Variants in SGCZ observed in about 807,000 individuals in gnomAD.
SGCZ encodes the protein zeta-sarcoglycan.
Under a neutral mutation model 41.3 loss-of-function variants are expected in SGCZ, and 40 were observed. The ratio of observed to expected loss-of-function variants is 0.97; its 90% CI spans 0.75 to 1.26. The LOEUF is 1.26. Ranked by LOEUF, SGCZ falls within the 50% of genes most tolerant of loss-of-function variation. SGCZ has a pLI of 0.00. For synonymous variants in SGCZ, 206 were observed against 137.5 expected, an observed-to-expected ratio of 1.50 and a Z score of -3.49; for missense variants, 552 against 369.8, an observed-to-expected ratio of 1.49 and a Z score of -4.04.
intron 5 of SGCZ, among the ~76,000 whole-genome samples, chr8:14,114,628 A>G (rs1439740326): frequency 6.6e-6 from 1 of 152,020 alleles, no homozygotes; most frequent in Non-Finnish European, 1.5e-5. Flanking sequence ...GAAGACAAAA[A>G]GAGATAAGGA....
At chr8:14,095,763 T>A (rs920875463) in intron 7 of SGCZ, among the ~76,000 whole-genome samples, 1 of 152,182 alleles carries the variant, frequency 6.6e-6, no homozygotes. Flanking sequence ...TTTGTTTGTG[T>A]CCTCTCTTAT....
intron 1 of SGCZ, among the ~76,000 whole-genome samples, chr8:15,129,907 C>G (rs567173562): frequency 6.6e-6 from 1 of 151,776 alleles, no homozygotes; most frequent in Admixed American, 6.6e-5. Flanking sequence ...TTTATGAAGT[C>G]GGATAAATAT....
At chr8:14,420,395 C>G (rs139572391) in intron 2 of SGCZ, among the ~76,000 whole-genome samples, 3 of 152,180 alleles carry the variant, frequency 2.0e-5, no homozygotes, top group African/African-American at 7.2e-5. Flanking sequence ...GTGCTGACGT[C>G]TCAACTCTTA....
At chr8:14,309,835 G>C (rs1801470269) in intron 3 of SGCZ, among the ~76,000 whole-genome samples, 1 of 151,860 alleles carries the variant, frequency 6.6e-6, no homozygotes, top group Non-Finnish European at 1.5e-5. Flanking sequence ...CCTTTGTCTT[G>C]TACTTCTGTG....
intron 2 of SGCZ, among the ~76,000 whole-genome samples, chr8:14,510,726 C>T (rs1161311850): frequency 6.6e-6 from 1 of 152,180 alleles, no homozygotes; most frequent in Non-Finnish European, 1.5e-5. Context: ...TCTGTCTCTC[C>T]TTCCCTTGCC....
intron 1 of SGCZ, among the ~76,000 whole-genome samples, chr8:14,819,694 T>A (rs1050968758): frequency 6.6e-6 from 1 of 151,974 alleles, no homozygotes; most frequent in Admixed American, 6.6e-5. Context: ...ACACAACAGA[T>A]AAATAAGTAA....
chr8:14,449,363 T>C lies in SGCZ; in HGVS notation c.234+105369A>G, dbSNP rs577592662. Among the ~76,000 whole-genome samples, 99 of 152,294 alleles carry C rather than the reference T, an allele frequency of 6.5e-4. 1 individual carries two copies. The highest frequency in any genetic ancestry group is 3.4e-3 in the Middle Eastern group (1 of 294). ...ACAAGATGAATGATGTGCAATACCATGGCTGTGGCACATGACTTTTCTAGA... is the reference window on the plus strand; with the variant it reads ...ACAAGATGAATGATGTGCAATACCACGGCTGTGGCACATGACTTTTCTAGA... On this transcript the variant is annotated intron_variant, in intron 2 of 7. Transcript: ENST00000382080.
At chr8:14,702,734 T>TAGAC (rs1160863316) in intron 1 of SGCZ, among the ~76,000 whole-genome samples, 1 of 65,248 alleles carries the variant, frequency 1.5e-5, no homozygotes, top group African/African-American at 3.9e-5. Flanking sequence ...GCTTCAATGA[T>TAGAC]AGATAGATAG....
chr8:14,305,218 T>C (rs1228258828), intron 3 of SGCZ, among the ~76,000 whole-genome samples: 4 of 152,186 alleles, frequency 2.6e-5, no homozygotes, highest in Admixed American at 6.6e-5. Context: ...AATATAACTA[T>C]CATATGAACA....
At chr8:14,515,918 T>G (rs9657207) in intron 2 of SGCZ, among the ~76,000 whole-genome samples, 7,601 of 152,182 alleles carry the variant, frequency 0.05, 429 homozygotes, top group African/African-American at 0.14. Flanking sequence ...CATCTTTTAC[T>G]TTTCAATTTG....
intron 1 of SGCZ, among the ~76,000 whole-genome samples, chr8:15,209,504 G>C (rs1563185164): frequency 1.0e-5 from 1 of 99,840 alleles, no homozygotes; most frequent in African/African-American, 3.6e-5. Flanking sequence ...AAAAAAAAAA[G>C]TGGCTTTCAG....
intron 1 of SGCZ, among the ~76,000 whole-genome samples, chr8:15,088,777 G>C (rs1248813585): frequency 6.6e-6 from 1 of 152,096 alleles, no homozygotes; most frequent in Non-Finnish European, 1.5e-5. Flanking sequence ...AACCATCAGT[G>C]TATCATAAAA....
intron 1 of SGCZ, among the ~76,000 whole-genome samples, chr8:14,995,593 G>A (rs1385990964): frequency 6.6e-6 from 1 of 152,154 alleles, no homozygotes; most frequent in Non-Finnish European, 1.5e-5. Context: ...ATATATTCAT[G>A]TCATAATGCA....
intron 1 of SGCZ, among the ~76,000 whole-genome samples, chr8:15,018,175 C>A (rs147077916): frequency 6.6e-6 from 1 of 152,316 alleles, no homozygotes; most frequent in East Asian, 1.9e-4. Flanking sequence ...CCTACATCCT[C>A]TGGAATATTT....
chr8:14,884,469 C>G (rs1339447023), intron 1 of SGCZ, among the ~76,000 whole-genome samples: 2 of 151,886 alleles, frequency 1.3e-5, no homozygotes, highest in African/African-American at 4.8e-5. Context: ...AGACATTGCC[C>G]TTCTTGGTGG....
At chr8:14,476,794 G>A (rs573280690) in intron 2 of SGCZ, among the ~76,000 whole-genome samples, 7 of 152,048 alleles carry the variant, frequency 4.6e-5, no homozygotes, top group Admixed American at 1.3e-4. Flanking sequence ...AATCCACTAC[G>A]GTTTGACTTC....
chr8:14,866,185 T>A (rs1165776077), intron 1 of SGCZ, among the ~76,000 whole-genome samples: 1 of 152,070 alleles, frequency 6.6e-6, no homozygotes, highest in African/African-American at 2.4e-5. Flanking sequence ...AAAGAAAGGA[T>A]CTATTTATGT....
chr8:14,106,189 G>C (rs555775847), intron 6 of SGCZ, among the ~76,000 whole-genome samples: 3 of 152,314 alleles, frequency 2.0e-5, no homozygotes, highest in African/African-American at 7.2e-5. Flanking sequence ...AGTGCTGGCT[G>C]CTACAGCATT....
intron 1 of SGCZ, among the ~76,000 whole-genome samples, chr8:14,967,629 A>G (rs1563398200): frequency 6.6e-6 from 1 of 152,166 alleles, no homozygotes; most frequent in Non-Finnish European, 1.5e-5. Context: ...ACCTCTCAGA[A>G]AGTACTGGTC....
Sources: gnomAD v4.1 joint callset for allele counts (sites outside exome capture counted in the v4.1 genomes callset) on GRCh38, gnomAD v4.1.1 for gene constraint, MANE v1.5 for transcripts, NCBI Gene and HGNC (gene_info 2026-07-23, HGNC 2026-07-21) for gene names.